The following TBC1D12 variants were observed in gnomAD, a reference collection of about 807,000 sequenced individuals.
The protein encoded by TBC1D12 is TBC1 domain family member 12, also known as TBC1 domain family, member 12.
Under a neutral mutation model 86.7 loss-of-function variants are expected in TBC1D12, and 56 were observed. The ratio of observed to expected loss-of-function variants is 0.65; its 90% CI spans 0.52 to 0.81. The LOEUF is 0.81. Among genes scored for constraint, TBC1D12 ranks in the 30% least tolerant of loss-of-function variants. The probability of loss-of-function intolerance (pLI) is 0.00; values close to 1 mark genes in which losing one functional copy is unlikely to be tolerated. For synonymous variants in TBC1D12, 421 were observed against 411.7 expected, an observed-to-expected ratio of 1.02 and a Z score of -0.27; for missense variants, 1,023 against 1,038.8, an observed-to-expected ratio of 0.98 and a Z score of 0.21.
At chr10:94,465,743 T>C (rs1211919032) in intron 2 of TBC1D12, among the ~76,000 whole-genome samples, 1 of 150,408 alleles carries the variant, frequency 6.6e-6, no homozygotes, top group Non-Finnish European at 1.5e-5. Flanking sequence ...TACGTATACA[T>C]ACATACATAT....
At chr10:94,530,351 A>G (rs1842391267) in intron 11 of TBC1D12, among the ~76,000 whole-genome samples, 1 of 152,190 alleles carries the variant, frequency 6.6e-6, no homozygotes, top group South Asian at 2.1e-4. Flanking sequence ...ACATGCTTCA[A>G]AAGAAGTAGT....
At chr10:94,443,430 G>A (rs781050173) in intron 2 of TBC1D12, among the ~76,000 whole-genome samples, 20 of 152,140 alleles carry the variant, frequency 1.3e-4, no homozygotes, top group Admixed American at 3.3e-4. Flanking sequence ...ACAGGTATGT[G>A]CCACCACACC....
intron 4 of TBC1D12, among the ~76,000 whole-genome samples, chr10:94,495,602 T>C (rs2056306072): frequency 6.6e-6 from 1 of 152,226 alleles, no homozygotes; most frequent in South Asian, 2.1e-4. Flanking sequence ...AGGCCACAGC[T>C]TTAACCTTGT....
intron 3 of TBC1D12, among the ~76,000 whole-genome samples, chr10:94,475,103 T>C (rs2055969341): frequency 6.6e-6 from 1 of 152,174 alleles, no homozygotes; most frequent in Non-Finnish European, 1.5e-5. Flanking sequence ...TGTCTAAGAC[T>C]TACGCATATT....
At chr10:94,501,167 A>C (rs1267700215) in intron 6 of TBC1D12, among the ~76,000 whole-genome samples, 2 of 150,128 alleles carry the variant, frequency 1.3e-5, no homozygotes, top group Non-Finnish European at 3.0e-5. Flanking sequence ...AAAAAACTTT[A>C]GCCGGGCATG....
intron 2 of TBC1D12, among the ~76,000 whole-genome samples, chr10:94,450,260 A>G (rs926195918): frequency 6.6e-6 from 1 of 152,116 alleles, no homozygotes; most frequent in African/African-American, 2.4e-5. Context: ...ATATGTAACT[A>G]TAATATTGTG....
At chr10:94,467,507 C>T (rs1325228869) in intron 2 of TBC1D12, among the ~76,000 whole-genome samples, 2 of 152,232 alleles carry the variant, frequency 1.3e-5, no homozygotes, top group African/African-American at 4.8e-5. Flanking sequence ...GCTGGGATTA[C>T]AGGCATGAGC....
intron 11 of TBC1D12, among the ~76,000 whole-genome samples, chr10:94,525,810 T>C (rs1842272954): frequency 6.6e-6 from 1 of 152,186 alleles, no homozygotes; most frequent in African/African-American, 2.4e-5. Flanking sequence ...AGTTTTAAAA[T>C]ATTTTTTTTA....
intron 9 of TBC1D12, among the ~76,000 whole-genome samples, chr10:94,513,044 C>T (rs1222153495): frequency 1.3e-5 from 2 of 151,400 alleles, no homozygotes; most frequent in African/African-American, 2.4e-5. Context: ...TTCAGGAGTT[C>T]GAGACCAGCC....
chr10:94,457,888 A>C, intron 2 of TBC1D12, among the ~76,000 whole-genome samples: 1 of 152,138 alleles, frequency 6.6e-6, no homozygotes, highest in Admixed American at 6.5e-5. Context: ...CTATACCTGA[A>C]AGTGGAGTTT....
At chr10:94,421,692 T>C (rs547256393) in intron 1 of TBC1D12, among the ~76,000 whole-genome samples, 2 of 152,222 alleles carry the variant, frequency 1.3e-5, no homozygotes, top group Non-Finnish European at 2.9e-5. Flanking sequence ...TTCTTGTTAT[T>C]TTCTTTCAGA....
chr10:94,492,801 G>A (rs1363727792), intron 3 of TBC1D12, among the ~76,000 whole-genome samples: 1 of 152,180 alleles, frequency 6.6e-6, no homozygotes, highest in Non-Finnish European at 1.5e-5. Context: ...TCTATATCTT[G>A]ATTGGTTAGT....
chr10:94,446,614 T>A (rs568362037), intron 2 of TBC1D12, among the ~76,000 whole-genome samples: 1 of 152,196 alleles, frequency 6.6e-6, no homozygotes, highest in East Asian at 1.9e-4. Flanking sequence ...GGCCTCAAAC[T>A]CCTGGGCTCA....
intron 3 of TBC1D12, among the ~76,000 whole-genome samples, chr10:94,476,235 A>G (rs2055986305): frequency 6.6e-6 from 1 of 152,136 alleles, no homozygotes; most frequent in Admixed American, 6.5e-5. Context: ...CTGGAGCCAA[A>G]TAGAAGAGCA....
chr10:94,466,838 T>A (rs1259185933), intron 2 of TBC1D12, among the ~76,000 whole-genome samples: 1 of 152,218 alleles, frequency 6.6e-6, no homozygotes, highest in Non-Finnish European at 1.5e-5. Context: ...CCTATTTCTC[T>A]TTCAGTGTCT....
At chr10:94,459,100 CTGATTGGTCCATTTTACAGAGA>C (rs1428948640) in intron 2 of TBC1D12, among the ~76,000 whole-genome samples, 7 of 151,290 alleles carry the variant, frequency 4.6e-5, no homozygotes, top group African/African-American at 1.7e-4. Flanking sequence ...TTACAGAGAG[CTGATTGGTCCATTTTACAGAGA>C]GCTGATTGGT....
At chr10:94,449,641 A>G (rs2055520394) in intron 2 of TBC1D12, among the ~76,000 whole-genome samples, 1 of 152,226 alleles carries the variant, frequency 6.6e-6, no homozygotes, top group Non-Finnish European at 1.5e-5. Flanking sequence ...GCATATAGAA[A>G]TAGAAGGATT....
intron 1 of TBC1D12, among the ~76,000 whole-genome samples, chr10:94,426,879 T>C (rs1476639012): frequency 6.6e-6 from 1 of 151,930 alleles, no homozygotes; most frequent in Non-Finnish European, 1.5e-5. Flanking sequence ...GGTGGCCTGA[T>C]TTTTTTTATT....
chr10:94,423,506 C>A (rs774175005), intron 1 of TBC1D12, among the ~76,000 whole-genome samples: 1 of 152,062 alleles, frequency 6.6e-6, no homozygotes, highest in South Asian at 2.1e-4. Context: ...CGCTACCACG[C>A]CCGGCTAATT....
Sources: gnomAD v4.1 joint callset for allele counts (sites outside exome capture counted in the v4.1 genomes callset) on GRCh38, gnomAD v4.1.1 for gene constraint, MANE v1.5 for transcripts, NCBI Gene and HGNC (gene_info 2026-07-23, HGNC 2026-07-21) for gene names.